GALNTL6: variants seen among roughly 807,000 people sequenced by gnomAD.
The protein encoded by GALNTL6 is polypeptide N-acetylgalactosaminyltransferase like 6.
GALNTL6 carries 46 observed loss-of-function variants against 73.7 expected under a neutral mutation model. The observed-to-expected ratio is 0.62, with a 90% confidence interval of 0.49 to 0.80. The LOEUF (loss-of-function observed/expected upper bound fraction) is 0.80. GALNTL6 is among the 30% of genes least tolerant of loss of function. The pLI is 0.00. For missense variants in GALNTL6, 604 were observed against 755.0 expected (o/e 0.80, Z 2.34); for synonymous variants, 259 against 263.7 (o/e 0.98, Z 0.17).
intron 7 of GALNTL6, among the ~76,000 whole-genome samples, chr4:172,814,512 C>T (rs1434415067): frequency 6.6e-6 from 1 of 152,170 alleles, no homozygotes; most frequent in South Asian, 2.1e-4. Context: ...ATTCCTTATA[C>T]TGCACCCTTT....
intron 5 of GALNTL6, among the ~76,000 whole-genome samples, chr4:172,478,009 G>A (rs1239430981): frequency 6.6e-6 from 1 of 152,190 alleles, no homozygotes; most frequent in Non-Finnish European, 1.5e-5. Flanking sequence ...GTGGCTGCCT[G>A]TTGGGTAGAG....
At chr4:172,386,170 C>T (rs1181739353) in intron 5 of GALNTL6, among the ~76,000 whole-genome samples, 1 of 152,042 alleles carries the variant, frequency 6.6e-6, no homozygotes, top group Non-Finnish European at 1.5e-5. Flanking sequence ...AAAAAATTTA[C>T]AAAAATACAT....
At chr4:171,900,311 T>C (rs1737046878) in intron 2 of GALNTL6, among the ~76,000 whole-genome samples, 1 of 152,090 alleles carries the variant, frequency 6.6e-6, no homozygotes, top group African/African-American at 2.4e-5. Context: ...ATATTTTATT[T>C]ATTTATTTAT....
chr4:172,732,570 G>A (rs1219261954), intron 5 of GALNTL6, among the ~76,000 whole-genome samples: 1 of 152,026 alleles, frequency 6.6e-6, no homozygotes. Context: ...TTCGTTGCTT[G>A]TTTTTTGGTG....
In GALNTL6 at chr4:172,398,329, G is replaced by T. The variant is rs183030054; in HGVS notation, c.553+49640G>T. ...ATGAGCTGTCAAAATAAGAAGATAT[G>T]AGGGCTACTGATCTTTCATTAATAA... On this transcript the variant is annotated intron_variant, in intron 5 of 12. Coordinates refer to ENST00000506823, the MANE Select transcript of GALNTL6 (RefSeq NM_001034845.3). Among the ~76,000 whole-genome samples the T allele has an allele frequency of 1.2e-3, 185 of 152,286 alleles. 2 individuals carry two copies. Among genetic ancestry groups the T allele is most frequent in the African/African-American group, 4.1e-3 (172 of 41,568 alleles).
chr4:172,624,711 A>G (rs1739094925), intron 5 of GALNTL6, among the ~76,000 whole-genome samples: 1 of 151,956 alleles, frequency 6.6e-6, no homozygotes, highest in Non-Finnish European at 1.5e-5. Flanking sequence ...GTACTTTCTA[A>G]TTCATTATTG....
chr4:172,086,398 T>C (rs750920722), intron 2 of GALNTL6, among the ~76,000 whole-genome samples: 4 of 152,270 alleles, frequency 2.6e-5, no homozygotes, highest in African/African-American at 4.8e-5. Flanking sequence ...ACTTATAATG[T>C]CAATTTTATT....
rs1451954401 is a variant in GALNTL6, at chr4:172,605,628, G to T, written c.554-203733G>T. The stretch of plus-strand genomic sequence containing the variant: ...AGGCAGAGGAAACAACATGTACAAA[G>T]CCACAGGGCATGAACAGGGAGACAG... On this transcript the variant is annotated intron_variant, in intron 5 of 12. Coordinates refer to ENST00000506823, the MANE Select transcript of GALNTL6 (RefSeq NM_001034845.3). Among the ~76,000 whole-genome samples the T allele has an allele frequency of 7.2e-5, 11 of 152,078 alleles. 1 individual carries two copies. The highest frequency in any genetic ancestry group is 4.4e-5 in the Non-Finnish European group (3 of 68,030).
intron 5 of GALNTL6, among the ~76,000 whole-genome samples, chr4:172,563,021 G>T (rs1208052886): frequency 2.0e-5 from 3 of 152,154 alleles, no homozygotes; most frequent in Admixed American, 2.0e-4. Context: ...TAATATCGTT[G>T]TGGGTTGACC....
At chr4:172,625,227 A>G (rs774585085) in intron 5 of GALNTL6, among the ~76,000 whole-genome samples, 67 of 152,014 alleles carry the variant, frequency 4.4e-4, no homozygotes, top group Non-Finnish European at 6.6e-4. Flanking sequence ...CTCATTTCTC[A>G]TTATCTACTG....
intron 12 of GALNTL6, among the ~76,000 whole-genome samples, chr4:173,025,410 T>A (rs555513848): frequency 1.2e-4 from 18 of 152,278 alleles, no homozygotes; most frequent in African/African-American, 4.1e-4. Context: ...TCCCCAGTCA[T>A]TGGTCACTAA....
chr4:172,788,780 A>G (rs1456189554), intron 5 of GALNTL6, among the ~76,000 whole-genome samples: 1 of 152,076 alleles, frequency 6.6e-6, no homozygotes, highest in Non-Finnish European at 1.5e-5. Flanking sequence ...GGTTACAGAG[A>G]AGCCAACAAG....
At chr4:172,781,065 G>A (rs2110896716) in intron 5 of GALNTL6, among the ~76,000 whole-genome samples, 1 of 152,340 alleles carries the variant, frequency 6.6e-6, no homozygotes, top group South Asian at 2.1e-4. Context: ...ATTTCCATCA[G>A]TGATGTGATT....
At chr4:172,525,789 G>C (rs1420600736) in intron 5 of GALNTL6, among the ~76,000 whole-genome samples, 1 of 152,162 alleles carries the variant, frequency 6.6e-6, no homozygotes, top group Non-Finnish European at 1.5e-5. Flanking sequence ...CTTAAGCCCA[G>C]AAGTTCAAGG....
chr4:171,825,589 T>C (rs1734803073), intron 2 of GALNTL6, among the ~76,000 whole-genome samples: 1 of 152,140 alleles, frequency 6.6e-6, no homozygotes, highest in African/African-American at 2.4e-5. Flanking sequence ...TCTTGAGTTC[T>C]AATATATGAA....
chr4:172,209,605 C>G (rs1482093470), intron 2 of GALNTL6, among the ~76,000 whole-genome samples: 1 of 151,992 alleles, frequency 6.6e-6, no homozygotes, highest in Admixed American at 6.6e-5. Flanking sequence ...TAACAGATGT[C>G]CACAACTGTC....
intron 5 of GALNTL6, among the ~76,000 whole-genome samples, chr4:172,731,396 T>C (rs1736141968): frequency 6.6e-6 from 1 of 152,158 alleles, no homozygotes; most frequent in Non-Finnish European, 1.5e-5. Flanking sequence ...TCTCAGTTTC[T>C]GTGTCTCCTT....
intron 3 of GALNTL6, among the ~76,000 whole-genome samples, chr4:172,299,260 T>C (rs1390331578): frequency 2.6e-5 from 4 of 152,192 alleles, no homozygotes; most frequent in African/African-American, 9.7e-5. Context: ...TTCTCTCTTT[T>C]CTTCTTTATT....
chr4:172,920,904 A>G (rs1462218487), intron 8 of GALNTL6, among the ~76,000 whole-genome samples: 1 of 152,242 alleles, frequency 6.6e-6, no homozygotes, highest in Non-Finnish European at 1.5e-5. Context: ...CTTAATGAAC[A>G]TAGTAAATAA....
Sources: allele counts gnomAD v4.1 joint callset (sites outside exome capture counted in the v4.1 genomes callset), GRCh38; gene constraint gnomAD v4.1.1; transcripts MANE v1.5; gene names NCBI Gene and HGNC (gene_info 2026-07-23, HGNC 2026-07-21).